Variants in SEMA3A observed in about 807,000 individuals in gnomAD.
The protein encoded by SEMA3A is semaphorin 3A, also known as semaphorin-3A.
A neutral mutation model predicts 97.9 loss-of-function variants in SEMA3A; 29 were observed. That is an observed-to-expected ratio of 0.30 (90% CI 0.22 to 0.40). SEMA3A has a LOEUF of 0.40. Among genes scored for constraint, SEMA3A ranks in the 10% least tolerant of loss-of-function variants. The probability of loss-of-function intolerance (pLI) is 1.00; values close to 1 mark genes in which losing one functional copy is unlikely to be tolerated. For synonymous variants in SEMA3A, 321 were observed against 323.7 expected (o/e 0.99, Z 0.09); for missense variants, 763 against 951.3 (o/e 0.80, Z 2.60).
chr7:84,479,837 T>C (rs892328855), intron 1 of SEMA3A, among the ~76,000 whole-genome samples: 3 of 152,184 alleles, frequency 2.0e-5, no homozygotes, highest in Non-Finnish European at 2.9e-5. Context: ...GTTAGGAATA[T>C]GCATATGTTC....
At chr7:84,481,925 TTGAC>T (rs1395887595) in intron 1 of SEMA3A, among the ~76,000 whole-genome samples, 2 of 151,772 alleles carry the variant, frequency 1.3e-5, no homozygotes, top group Non-Finnish European at 2.9e-5. Flanking sequence ...TTAGTCATGA[TTGAC>T]TGTAAGTCAC....
intron 1 of SEMA3A, among the ~76,000 whole-genome samples, chr7:84,482,814 T>A (rs1005763805): frequency 2.6e-5 from 4 of 152,096 alleles, no homozygotes; most frequent in Non-Finnish European, 5.9e-5. Flanking sequence ...GCTTTTCTTA[T>A]GTGAAACCTT....
At chr7:84,363,109 G>A (rs1029174942) in intron 2 of SEMA3A, among the ~76,000 whole-genome samples, 2 of 151,844 alleles carry the variant, frequency 1.3e-5, no homozygotes, top group Non-Finnish European at 2.9e-5. Flanking sequence ...GTTAGTTTAC[G>A]GACATCTGCT....
intron 1 of SEMA3A, among the ~76,000 whole-genome samples, chr7:84,419,414 G>A (rs1804526018): frequency 6.7e-6 from 1 of 149,262 alleles, no homozygotes; most frequent in Non-Finnish European, 1.5e-5. Context: ...AAGGCTAACT[G>A]GCTTGCCCAA....
chr7:83,961,901 T>A, intron 16 of SEMA3A, 75 bp from the exon 17 acceptor site: 2 of 1,165,538 alleles, frequency 1.7e-6, no homozygotes, highest in Non-Finnish European at 2.4e-6. Context: ...TCCGTGTCTG[T>A]AAAACTTTAG....
intron 12 of SEMA3A, among the ~76,000 whole-genome samples, chr7:83,986,775 G>C (rs1789649077): frequency 6.6e-6 from 1 of 152,120 alleles, no homozygotes; most frequent in Non-Finnish European, 1.5e-5. Flanking sequence ...TTCAAATCTG[G>C]CCAGAAATGC....
chr7:84,146,922 T>A (rs1178222231), intron 1 of SEMA3A, among the ~76,000 whole-genome samples: 2 of 152,338 alleles, frequency 1.3e-5, no homozygotes, highest in South Asian at 2.1e-4. Context: ...GCGGTAAGCA[T>A]TGTATTATCA....
intron 3 of SEMA3A, among the ~76,000 whole-genome samples, chr7:84,290,707 G>A (rs1232890234): frequency 6.6e-6 from 1 of 152,002 alleles, no homozygotes; most frequent in African/African-American, 2.4e-5. Context: ...AGTATTAAAT[G>A]GGTCTATTGC....
intron 3 of SEMA3A, among the ~76,000 whole-genome samples, chr7:84,122,424 A>G (rs1465753363): frequency 1.3e-5 from 2 of 152,020 alleles, no homozygotes; most frequent in Non-Finnish European, 2.9e-5. Flanking sequence ...AGTCATAGAG[A>G]TCTTTTTTTA....
chr7:84,240,761 C>T (rs116611260), intron 3 of SEMA3A, among the ~76,000 whole-genome samples: 3,527 of 152,214 alleles, frequency 0.023, 133 homozygotes, highest in African/African-American at 0.079. Context: ...CTCTAGCCCA[C>T]CACCGCCTGA....
chr7:84,141,254 C>T (rs1796283092), intron 1 of SEMA3A, among the ~76,000 whole-genome samples: 1 of 152,168 alleles, frequency 6.6e-6, no homozygotes, highest in Non-Finnish European at 1.5e-5. Context: ...CAAGCTTACA[C>T]ATCCTGATCT....
At chr7:84,340,609 T>C (rs771566698) in intron 2 of SEMA3A, among the ~76,000 whole-genome samples, 1 of 151,536 alleles carries the variant, frequency 6.6e-6, no homozygotes, top group Non-Finnish European at 1.5e-5. Flanking sequence ...TGAAACCCCA[T>C]CTCTACTAAA....
intron 1 of SEMA3A, among the ~76,000 whole-genome samples, chr7:84,151,872 G>A (rs963524296): frequency 5.9e-5 from 9 of 152,100 alleles, no homozygotes; most frequent in African/African-American, 1.7e-4. Context: ...CCATCAAAAA[G>A]TGGGCAAAGG....
intron 1 of SEMA3A, among the ~76,000 whole-genome samples, chr7:84,418,523 A>G (rs966453202): frequency 6.6e-6 from 1 of 152,032 alleles, no homozygotes; most frequent in Non-Finnish European, 1.5e-5. Context: ...CCCACCCTCA[A>G]TGTGGGTGGG....
chr7:84,134,720 T>C (rs554182406), intron 2 of SEMA3A, 74 bp downstream of exon 2: 1 of 1,175,880 alleles, frequency 8.5e-7, no homozygotes, highest in African/African-American at 1.6e-5. Flanking sequence ...ATCATGCTTT[T>C]AAATAGCTAG....
At chr7:84,447,273 C>T (rs1270819415) in intron 1 of SEMA3A, among the ~76,000 whole-genome samples, 1 of 152,170 alleles carries the variant, frequency 6.6e-6, no homozygotes, top group Non-Finnish European at 1.5e-5. Context: ...GGACAAATAG[C>T]CCAGGCTCTG....
At chr7:84,356,036 C>T (rs1326234595) in intron 2 of SEMA3A, among the ~76,000 whole-genome samples, 1 of 151,910 alleles carries the variant, frequency 6.6e-6, no homozygotes, top group Non-Finnish European at 1.5e-5. Context: ...TTATACTAAT[C>T]TTTGCTACAT....
intron 3 of SEMA3A, among the ~76,000 whole-genome samples, chr7:84,292,566 C>T (rs1288426905): frequency 6.6e-6 from 1 of 151,860 alleles, no homozygotes; most frequent in Non-Finnish European, 1.5e-5. Flanking sequence ...AGAAGCAATC[C>T]TCCATACTTT....
intron 4 of SEMA3A, among the ~76,000 whole-genome samples, chr7:84,079,370 A>G (rs1448092207): frequency 1.3e-5 from 2 of 151,262 alleles, no homozygotes; most frequent in East Asian, 3.9e-4. Context: ...ATTAAACTAA[A>G]GAGCTTCTGC....
Sources: gnomAD v4.1 joint callset for allele counts (sites outside exome capture counted in the v4.1 genomes callset) on GRCh38, gnomAD v4.1.1 for gene constraint, MANE v1.5 for transcripts, NCBI Gene and HGNC (gene_info 2026-07-23, HGNC 2026-07-21) for gene names.